Variants in EFCAB3 observed in about 807,000 individuals in gnomAD.
EFCAB3 encodes the protein EF-hand calcium binding domain 3.
A neutral mutation model predicts 42.2 loss-of-function variants in EFCAB3; 36 were observed. The observed-to-expected ratio is 0.85, with a 90% CI of 0.65 to 1.13. EFCAB3 has a LOEUF of 1.13. EFCAB3 is among the 50% of genes most tolerant of loss of function. The probability of loss-of-function intolerance (pLI) is 0.00; values close to 1 mark genes in which losing one functional copy is unlikely to be tolerated. For synonymous variants in EFCAB3, 170 were observed against 172.8 expected, an observed-to-expected ratio of 0.98 and a Z score of 0.13; for missense variants, 418 against 505.1, an observed-to-expected ratio of 0.83 and a Z score of 1.65.
chr17:62,413,559 A>G (rs558032277), intron 8 of EFCAB3, among the ~76,000 whole-genome samples, 173 bp from the exon 9 acceptor site: 1 of 152,126 alleles, frequency 6.6e-6, no homozygotes, highest in Admixed American at 6.6e-5. Flanking sequence ...GCCAAATGCC[A>G]CTCCTGAGGG....
At chr17:62,377,901 C>A, upstream of EFCAB3, 4 of 1,235,622 alleles carry the variant, frequency 3.2e-6, no homozygotes, top group Non-Finnish European at 4.5e-6. Context: ...ATAAATTATG[C>A]CCTCCTAGTC....
intron 8 of EFCAB3, among the ~76,000 whole-genome samples, chr17:62,413,084 CCTAA>C (rs1338285177): frequency 6.6e-6 from 1 of 151,976 alleles, no homozygotes; most frequent in Non-Finnish European, 1.5e-5. Context: ...GGAAAGCCTC[CCTAA>C]CTGTGATACA....
chr17:62,379,511 CT>C (rs2070178603), upstream of EFCAB3, among the ~76,000 whole-genome samples: 1 of 151,896 alleles, frequency 6.6e-6, no homozygotes, highest in Admixed American at 6.6e-5. Flanking sequence ...TAAGCCTTCC[CT>C]TTCTTTCCTT....
chr17:62,406,742 T>G (rs988718291), intron 7 of EFCAB3, 69 bp downstream of exon 7: 1 of 1,527,090 alleles, frequency 6.5e-7, no homozygotes, highest in African/African-American at 1.4e-5. Flanking sequence ...CAGAAAGAAG[T>G]ACTAGAGCCC....
upstream of EFCAB3, chr17:62,378,154 T>G (rs190977243): frequency 5.7e-4 from 386 of 678,862 alleles, no homozygotes; most frequent in African/African-American, 6.3e-3. Context: ...ATAAAGTGAA[T>G]GAACACCGTT....
chr17:62,402,537 A>G (rs1338359788), intron 6 of EFCAB3, among the ~76,000 whole-genome samples: 2 of 152,098 alleles, frequency 1.3e-5, no homozygotes, highest in African/African-American at 4.8e-5. Flanking sequence ...TTCTGCATCT[A>G]TTGAGATCAT....
At chr17:62,370,708 A>G (rs915995385) in intron 1 of EFCAB3, among the ~76,000 whole-genome samples, 2 of 152,130 alleles carry the variant, frequency 1.3e-5, no homozygotes, top group Non-Finnish European at 2.9e-5. Context: ...TAACATCCTC[A>G]GAAATGATCC....
At chr17:62,374,178 AG>A in intron 2 of EFCAB3, among the ~76,000 whole-genome samples, 1 of 152,112 alleles carries the variant, frequency 6.6e-6, no homozygotes, top group Non-Finnish European at 1.5e-5. Flanking sequence ...AAATATAGCT[AG>A]GCCGGGCACG....
intron 2 of EFCAB3, among the ~76,000 whole-genome samples, chr17:62,384,936 A>C (rs1334188784): frequency 6.6e-6 from 1 of 152,232 alleles, no homozygotes; most frequent in Non-Finnish European, 1.5e-5. Flanking sequence ...TTTGTGCTAC[A>C]TGAGTTTGCC....
At position 62,391,835 on chromosome 17, in the gene EFCAB3, C is replaced by T. The variant is rs147289901; in HGVS notation, c.165C>T (p.Ala55=). ...SASQMAAFQD[A]YNFFYKDKTG... ...CTATCTCCCCAGCTTTCCAAGATGC[C>T]TACAACTTCTTCTACAAGGACAAAA... The change falls in exon 4 of 10, where the codon GCC becomes GCT. Residue 55 remains alanine (A), a synonymous_variant. Transcript: ENST00000305286. 9.3e-6 allele frequency: 15 copies of T among 1,613,446 alleles called. No homozygotes were observed. In the African/African-American group the frequency reaches 2.0e-4, roughly 22 times the overall value.
intron 6 of EFCAB3, chr17:62,397,339 G>A (rs2070358696): frequency 3.0e-6 from 1 of 331,154 alleles, no homozygotes; most frequent in African/African-American, 2.2e-5. Context: ...GGGCAACCTG[G>A]TGAAACCCCA....
At chr17:62,411,325 CTGAG>C (rs905988796) in intron 8 of EFCAB3, among the ~76,000 whole-genome samples, 5 of 152,018 alleles carry the variant, frequency 3.3e-5, no homozygotes, top group African/African-American at 9.7e-5. Context: ...TTAGTAATGA[CTGAG>C]TATTTTTAGG....
rs114792407 is a variant in EFCAB3, at chr17:62,373,568, C to T, written c.35-246C>T. Among the ~76,000 whole-genome samples the T allele has an allele frequency of 9.4e-4, 143 of 151,962 alleles. 1 individual carries two copies. The highest frequency in any genetic ancestry group is 3.3e-3 in the African/African-American group (135 of 41,438). ...CCAGGGAGGTCAAGGTTGCAATGAG[C>T]CATAATCACGCCATGCACTCCAGCC... On this transcript the variant is annotated intron_variant, in intron 1 of 11. Transcript: ENST00000450662.
chr17:62,399,974 G>A (rs77156038), intron 6 of EFCAB3, among the ~76,000 whole-genome samples: 1,528 of 152,102 alleles, frequency 0.01, 29 homozygotes, highest in African/African-American at 0.035. Context: ...TATACACCAG[G>A]AGCTCAGCAA....
At chr17:62,376,127 A>G (rs1343886566), upstream of EFCAB3, among the ~76,000 whole-genome samples, 1 of 152,160 alleles carries the variant, frequency 6.6e-6, no homozygotes, top group Non-Finnish European at 1.5e-5. Flanking sequence ...GAAATTTCAA[A>G]TACTGGTTTC....
At chr17:62,405,086 T>G (rs2070436923) in intron 6 of EFCAB3, among the ~76,000 whole-genome samples, 1 of 152,216 alleles carries the variant, frequency 6.6e-6, no homozygotes, top group Admixed American at 6.5e-5. Context: ...TTCCCACAAT[T>G]TGTATTTTCC....
chr17:62,410,435 C>A (rs183343717), intron 8 of EFCAB3, among the ~76,000 whole-genome samples: 13 of 152,148 alleles, frequency 8.5e-5, no homozygotes, highest in Non-Finnish European at 1.6e-4. Flanking sequence ...TGACCCCACA[C>A]ATAGACTCCC....
Position 62,384,224 on chromosome 17 carries a change from A to G in EFCAB3, c.74+1171A>G, listed in dbSNP as rs533893260. Among the ~76,000 whole-genome samples, 9 of 152,334 alleles carry G rather than the reference A, an allele frequency of 5.9e-5. No homozygotes were observed. In the South Asian group the frequency reaches 1.9e-3, roughly 32 times the overall value. On this transcript the variant is annotated intron_variant, in intron 2 of 9. Coordinates refer to ENST00000305286, the MANE Select transcript of EFCAB3 (RefSeq NM_173503.4). Reference sequence around the variant, plus strand: ...GAAGGCTGGATTGGGTTCATTCCAAATGTAAGGTTCTTCAGTCATTTGAAA... The same window carrying G: ...GAAGGCTGGATTGGGTTCATTCCAAGTGTAAGGTTCTTCAGTCATTTGAAA...
chr17:62,415,250 A>C (rs966366305), intron 9 of EFCAB3, among the ~76,000 whole-genome samples: 1 of 152,184 alleles, frequency 6.6e-6, no homozygotes, highest in African/African-American at 2.4e-5. Flanking sequence ...TAATGATCCA[A>C]CATGAAGAGC....
Sources: allele counts gnomAD v4.1 joint callset (sites outside exome capture counted in the v4.1 genomes callset), GRCh38; gene constraint gnomAD v4.1.1; transcripts MANE v1.5; gene names NCBI Gene and HGNC (gene_info 2026-07-23, HGNC 2026-07-21).